The following SLC37A3 variants were observed in gnomAD, a reference collection of about 807,000 sequenced individuals.
The protein encoded by SLC37A3 is solute carrier family 37 member 3, also known as sugar phosphate exchanger 3.
SLC37A3 carries 51 observed loss-of-function variants against 67.1 expected under a neutral mutation model. That is an observed-to-expected ratio of 0.76 (90% CI 0.61 to 0.96). The LOEUF (loss-of-function observed/expected upper bound fraction) is 0.96. SLC37A3 is among the 40% of genes least tolerant of loss of function. The pLI is 0.00. For missense variants in SLC37A3, 508 were observed against 603.0 expected, an observed-to-expected ratio of 0.84 and a Z score of 1.65; for synonymous variants, 214 against 231.4, an observed-to-expected ratio of 0.92 and a Z score of 0.68.
In SLC37A3 at chr7:140,351,917, T is replaced by C. The variant is rs772445800; in HGVS notation, c.703+145A>G. 13 of 834,128 alleles carry C rather than the reference T, an allele frequency of 1.6e-5. No individual in the cohort carries two copies. The South Asian group carries it at 1.7e-4, about 11-fold the overall frequency. The allele number at this position is 834,128 out of a possible 1,614,324, so 51.7% of individuals were successfully genotyped here. ...GGGCTGGCTACAATGTCGACAGGAC[T>C]CAAACGGCAGTACTGTTCTCCTTTC... On this transcript the variant is annotated intron_variant, in intron 8 of 14. Transcript: ENST00000326232.
chr7:140,391,703 G>C (rs1370409551), intron 1 of SLC37A3, among the ~76,000 whole-genome samples: 2 of 152,196 alleles, frequency 1.3e-5, no homozygotes, highest in African/African-American at 4.8e-5. Context: ...CTATAAGTCT[G>C]CCTTTCTTCG....
chr7:140,396,892 TTG>T (rs1451812342), intron 1 of SLC37A3, among the ~76,000 whole-genome samples: 36,637 of 112,574 alleles, frequency 0.33, 4,924 homozygotes, highest in Middle Eastern at 0.41. Context: ...GTTTTTTTTT[TTG>T]TTTTTTTTTT....
Position 140,335,424 on chromosome 7 carries a change from T to A in SLC37A3, c.1473A>T (p.Ile491=). Residue 491 remains isoleucine, a synonymous_variant, in exon 15 of 15, where the codon ATA becomes ATT. Coordinates refer to ENST00000326232, the MANE Select transcript of SLC37A3 (RefSeq NM_207113.3). ...TCGCGGGCACCGGTCACTCCCTCAA[T>A]ATGTGAGCCTGTCTCCTTAGCACGA... is the stretch of plus-strand genomic sequence containing the variant. ...FSLVLRRQAH[I]LRE is the part of the protein sequence containing the mutation. The A allele has an allele frequency of 1.2e-6, 2 of 1,614,152 alleles. No homozygotes were observed. Among genetic ancestry groups the A allele is most frequent in the Non-Finnish European group, 1.7e-6 (2 of 1,180,028 alleles).
At chr7:140,389,126 CA>C (rs1798624498) in intron 1 of SLC37A3, among the ~76,000 whole-genome samples, 1 of 152,152 alleles carries the variant, frequency 6.6e-6, no homozygotes, top group Non-Finnish European at 1.5e-5. Flanking sequence ...GACACTGAAA[CA>C]AAACTGATAA....
intron 4 of SLC37A3, among the ~76,000 whole-genome samples, chr7:140,367,996 T>A (rs1243582435): frequency 6.6e-6 from 1 of 151,984 alleles, no homozygotes; most frequent in Non-Finnish European, 1.5e-5. Context: ...GTATTTTTAT[T>A]GGAAATGGGG....
Position 140,349,413 on chromosome 7 carries a change from G to A in SLC37A3, c.883-646C>T, listed in dbSNP as rs567979728. Among the ~76,000 whole-genome samples the A allele has an allele frequency of 3.3e-5, 5 of 152,196 alleles. No individual in the cohort carries two copies. The South Asian group carries it at 8.3e-4, about 25-fold the overall frequency. ...AAAAATGAAAGAACATGTCATCATCGGCCTCGTGGCTCTCCCTTGAGGGGA... is the reference window on the plus strand; with the variant it reads ...AAAAATGAAAGAACATGTCATCATCAGCCTCGTGGCTCTCCCTTGAGGGGA... On this transcript the variant is annotated intron_variant, in intron 9 of 14. Coordinates refer to ENST00000326232, the MANE Select transcript of SLC37A3 (RefSeq NM_207113.3).
rs2116984470 is a variant in SLC37A3 at position 140,334,242 on chromosome 7, T to A, written c.*1170A>T. On this transcript the variant is annotated 3_prime_UTR_variant, in exon 15 of 15. Transcript: ENST00000326232. ...ACATGATATATTCAACACTCGATTA[T>A]AAAATAGAGTTTGTGTTAGATGATT... 6.6e-6 allele frequency: 1 copy of A among 152,334 alleles called. No homozygotes were observed. The highest frequency in any genetic ancestry group is 1.9e-4 in the East Asian group (1 of 5,188). The allele number at this position is 152,334 out of a possible 1,614,324, so 9.4% of individuals were successfully genotyped here.
chr7:140,356,476 G>C (rs1176426307), intron 6 of SLC37A3, among the ~76,000 whole-genome samples: 1 of 152,118 alleles, frequency 6.6e-6, no homozygotes, highest in Non-Finnish European at 1.5e-5. Flanking sequence ...GAGGTCAGGA[G>C]TTTGAGACTA....
chr7:140,377,886 A>T (rs1798095389), intron 3 of SLC37A3, among the ~76,000 whole-genome samples: 1 of 152,078 alleles, frequency 6.6e-6, no homozygotes, highest in African/African-American at 2.4e-5. Context: ...ATTTAAAAAA[A>T]ATTTTTTTAT....
intron 4 of SLC37A3, among the ~76,000 whole-genome samples, chr7:140,365,258 A>G (rs963256800): frequency 6.6e-6 from 1 of 152,172 alleles, no homozygotes; most frequent in Non-Finnish European, 1.5e-5. Context: ...TTGACTGAAA[A>G]CCTAAATTCA....
chr7:140,386,073 A>G (rs1798437741), intron 1 of SLC37A3, among the ~76,000 whole-genome samples: 1 of 151,724 alleles, frequency 6.6e-6, no homozygotes, highest in African/African-American at 2.4e-5. Context: ...GTGAGCCACC[A>G]TGCCTGGCCT....
At chr7:140,396,357 C>A (rs9640465) in intron 1 of SLC37A3, among the ~76,000 whole-genome samples, 1 of 152,142 alleles carries the variant, frequency 6.6e-6, no homozygotes, top group African/African-American at 2.4e-5. Flanking sequence ...TTATCTCATA[C>A]GAAGCCATTT....
chr7:140,349,892 A>G (rs986795240), intron 9 of SLC37A3, among the ~76,000 whole-genome samples: 2 of 152,212 alleles, frequency 1.3e-5, no homozygotes, highest in Non-Finnish European at 2.9e-5. Context: ...CAGTTAAAAG[A>G]TAATAATCAA....
At position 140,335,084 on chromosome 7, in the gene SLC37A3, A is replaced by C. The variant is rs1480983919; in HGVS notation, c.*328T>G. Reference sequence around the variant, plus strand: ...TCAAGGCTAGAGAAAGTTCAAGTCCAAAACAACAGTTAAGGTTAAAACGCT... The same window carrying C: ...TCAAGGCTAGAGAAAGTTCAAGTCCCAAACAACAGTTAAGGTTAAAACGCT... On this transcript the variant is annotated 3_prime_UTR_variant, in exon 15 of 15. Transcript: ENST00000326232. The C allele has an allele frequency of 9.5e-6, 8 of 838,714 alleles. No homozygotes were observed. The highest frequency in any genetic ancestry group is 1.4e-5 in the Non-Finnish European group (8 of 557,464). The allele number at this position is 838,714 out of a possible 1,614,324, so 52.0% of individuals were successfully genotyped here. A position where few individuals can be genotyped will look rare whatever the true frequency, so the allele number is the denominator to read the frequency against.
chr7:140,353,602 T>C (rs941804440), intron 7 of SLC37A3, among the ~76,000 whole-genome samples: 1 of 152,198 alleles, frequency 6.6e-6, no homozygotes, highest in Admixed American at 6.5e-5. Flanking sequence ...AGAAATTGTT[T>C]TGGAAACATA....
chr7:140,364,464 CCCCAACGATG>C lies in SLC37A3; in HGVS notation c.309_318del (p.Val105GlyfsTer2), dbSNP rs1312491336. 2 of 1,613,918 alleles carry C rather than the reference CCCCAACGATG, an allele frequency of 1.2e-6. No individual in the cohort carries two copies. Among genetic ancestry groups the C allele is most frequent in the African/African-American group, 2.7e-5 (2 of 74,898 alleles). ...AGAACCCATCGCAAATTCAACCGAT[CCCCAACGATG>C]CCACTGATGAATAGGCCCTAAAAAT... On this transcript the variant is annotated frameshift_variant, in exon 5 of 15. Transcript: ENST00000326232. LOFTEE classifies it high-confidence loss of function.
At chr7:140,358,008 G>A (rs554987090) in intron 6 of SLC37A3, among the ~76,000 whole-genome samples, 1 of 152,010 alleles carries the variant, frequency 6.6e-6, no homozygotes, top group Non-Finnish European at 1.5e-5. Flanking sequence ...CCCCGGAGGC[G>A]AAGGTTGCAG....
intron 5 of SLC37A3, 33 bp from the exon 6 acceptor site, chr7:140,358,818 C>G: frequency 6.2e-7 from 1 of 1,612,716 alleles, no homozygotes; most frequent in East Asian, 2.2e-5. Flanking sequence ...GAATATGTAA[C>G]AGCCACACTG....
intron 1 of SLC37A3, among the ~76,000 whole-genome samples, chr7:140,394,123 G>T (rs761845100): frequency 6.6e-6 from 1 of 151,880 alleles, no homozygotes; most frequent in East Asian, 1.9e-4. Context: ...GTGAGCCAAG[G>T]TTGCACCATT....
Sources: gnomAD v4.1 joint callset for allele counts (sites outside exome capture counted in the v4.1 genomes callset) on GRCh38, gnomAD v4.1.1 for gene constraint, MANE v1.5 for transcripts, NCBI Gene and HGNC (gene_info 2026-07-23, HGNC 2026-07-21) for gene names.